The following MAN1C1 variants were observed in gnomAD, a reference collection of about 807,000 sequenced individuals.
MAN1C1 encodes the protein mannosyl-oligosaccharide 1,2-alpha-mannosidase IC.
MAN1C1 carries 49 observed loss-of-function variants against 71.5 expected under a neutral mutation model. That is an observed-to-expected ratio of 0.69 (90% CI 0.54 to 0.87). MAN1C1 has a LOEUF of 0.87. Ranked by LOEUF, MAN1C1 falls within the 40% of genes least tolerant of loss-of-function variation. MAN1C1 has a pLI of 0.00. For missense variants in MAN1C1, 743 were observed against 835.0 expected (o/e 0.89, Z 1.36); for synonymous variants, 352 against 343.7 (o/e 1.02, Z -0.27).
intron 2 of MAN1C1, among the ~76,000 whole-genome samples, chr1:25,696,107 C>T (rs373751540): frequency 2.3e-4 from 35 of 152,326 alleles, no homozygotes; most frequent in Middle Eastern, 6.8e-3. Context: ...GACATTCTCT[C>T]CTGGTGGCAG....
chr1:25,712,570 G>A (rs1572168017), intron 2 of MAN1C1, among the ~76,000 whole-genome samples: 1 of 152,174 alleles, frequency 6.6e-6, no homozygotes, highest in African/African-American at 2.4e-5. Context: ...ATGTTTAGAG[G>A]TCTTTGTGAA....
chr1:25,738,907 A>C (rs1272296985), intron 2 of MAN1C1, among the ~76,000 whole-genome samples: 1 of 152,164 alleles, frequency 6.6e-6, no homozygotes, highest in Non-Finnish European at 1.5e-5. Flanking sequence ...CACACCTGTA[A>C]TCCCAGTGCT....
At chr1:25,677,337 A>G (rs1452684679) in intron 1 of MAN1C1, among the ~76,000 whole-genome samples, 1 of 152,024 alleles carries the variant, frequency 6.6e-6, no homozygotes, top group East Asian at 1.9e-4. Flanking sequence ...TGCTCTTTGA[A>G]TCTATAAATC....
chr1:25,654,194 A>G (rs922197461), intron 1 of MAN1C1: 3 of 152,230 alleles, frequency 2.0e-5, no homozygotes, highest in Non-Finnish European at 2.9e-5. Context: ...CTGTGTAATT[A>G]TGGACAAATT....
chr1:25,621,662 C>T (rs1047910249), intron 1 of MAN1C1, among the ~76,000 whole-genome samples: 1 of 151,466 alleles, frequency 6.6e-6, no homozygotes, highest in Admixed American at 6.6e-5. Flanking sequence ...CTTGCTCTGT[C>T]GTCGAGGCTG....
At chr1:25,701,521 C>T (rs1338352771) in intron 2 of MAN1C1, among the ~76,000 whole-genome samples, 1 of 152,230 alleles carries the variant, frequency 6.6e-6, no homozygotes, top group Non-Finnish European at 1.5e-5. Flanking sequence ...GCCTCCAACG[C>T]CCACATTCCC....
At chr1:25,691,027 A>G (rs1031588627) in intron 2 of MAN1C1, among the ~76,000 whole-genome samples, 1 of 152,094 alleles carries the variant, frequency 6.6e-6, no homozygotes, top group Non-Finnish European at 1.5e-5. Flanking sequence ...GCTAAAGAAC[A>G]TGGACTCAGC....
chr1:25,657,298 C>T (rs536703733), intron 1 of MAN1C1, among the ~76,000 whole-genome samples: 22 of 152,332 alleles, frequency 1.4e-4, no homozygotes, highest in African/African-American at 4.8e-4. Context: ...CCCTTCCCCA[C>T]GCCTTTCTCA....
intron 1 of MAN1C1, among the ~76,000 whole-genome samples, chr1:25,637,151 C>T (rs2045474080): frequency 1.3e-5 from 2 of 150,916 alleles, no homozygotes; most frequent in South Asian, 4.2e-4. Context: ...CAAACTCTGT[C>T]TCAAAAAAAA....
At chr1:25,714,942 A>C (rs1391704418) in intron 2 of MAN1C1, among the ~76,000 whole-genome samples, 2 of 152,200 alleles carry the variant, frequency 1.3e-5, no homozygotes, top group East Asian at 3.9e-4. Flanking sequence ...AAAAAAACTC[A>C]AGCCCATTTA....
At chr1:25,706,204 C>T (rs2046519674) in intron 2 of MAN1C1, among the ~76,000 whole-genome samples, 1 of 152,168 alleles carries the variant, frequency 6.6e-6, no homozygotes, top group African/African-American at 2.4e-5. Flanking sequence ...CAGCTCTTTA[C>T]CCTGTGGTCT....
intron 1 of MAN1C1, among the ~76,000 whole-genome samples, chr1:25,684,754 A>G (rs945670959): frequency 6.6e-6 from 1 of 152,234 alleles, no homozygotes; most frequent in African/African-American, 2.4e-5. Flanking sequence ...TATCCTAGAA[A>G]GTGGGCCGCT....
intron 8 of MAN1C1, among the ~76,000 whole-genome samples, chr1:25,772,859 C>G (rs1022006402): frequency 5.3e-5 from 8 of 152,206 alleles, no homozygotes; most frequent in Admixed American, 2.0e-4. Context: ...TCTTCCTGCT[C>G]TTCCTCAGAC....
In MAN1C1 at chr1:25,753,524, T is replaced by C; in HGVS notation, c.875T>C (p.Leu292Pro). Residue 292 changes from leucine to proline, a missense_variant, in exon 5 of 12, where the codon CTG (leucine) becomes CCG (proline). Physicochemically the swap from Leu to Pro is moderately conservative, Grantham distance 98. Coordinates refer to ENST00000374332, the MANE Select transcript of MAN1C1 (RefSeq NM_020379.4). The surrounding 1 kb of genome is among the most constrained non-coding windows in gnomAD (Gnocchi z 4.9). Reference sequence around the variant, plus strand: ...GCCATCAGGCTGGGAGAGAAGCTCCTGCCGGCGTTCAACACCCCCACGGGA... The same window carrying C: ...GCCATCAGGCTGGGAGAGAAGCTCCCGCCGGCGTTCAACACCCCCACGGGA... ...IKAIRLGEKL[L>P]PAFNTPTGIP... 1 of 1,613,960 alleles carries C rather than the reference T, an allele frequency of 6.2e-7. No individual in the cohort carries two copies. The highest frequency in any genetic ancestry group is 8.5e-7 in the Non-Finnish European group (1 of 1,179,940).
At chr1:25,663,045 C>T (rs2045872706) in intron 1 of MAN1C1, among the ~76,000 whole-genome samples, 1 of 150,920 alleles carries the variant, frequency 6.6e-6, no homozygotes, top group Non-Finnish European at 1.5e-5. Context: ...GAGCCGAGAT[C>T]ATGCCACTGC....
intron 1 of MAN1C1, among the ~76,000 whole-genome samples, chr1:25,628,137 A>G (rs1010141706): frequency 1.3e-5 from 2 of 152,154 alleles, no homozygotes; most frequent in African/African-American, 2.4e-5. Flanking sequence ...TGAATGTGGT[A>G]TCTGTCTCTA....
chr1:25,643,789 A>G (rs142798653), intron 1 of MAN1C1, among the ~76,000 whole-genome samples: 112 of 151,898 alleles, frequency 7.4e-4, no homozygotes, highest in Middle Eastern at 6.8e-3. Context: ...TTACAGGCAT[A>G]AGCCACCGTG....
chr1:25,696,515 T>C (rs1216796143), intron 2 of MAN1C1, among the ~76,000 whole-genome samples: 1 of 152,236 alleles, frequency 6.6e-6, no homozygotes, highest in African/African-American at 2.4e-5. Flanking sequence ...GGATTTTACA[T>C]ATAGTTACCT....
intron 1 of MAN1C1, among the ~76,000 whole-genome samples, chr1:25,649,515 G>A (rs1557748517): frequency 6.6e-6 from 1 of 152,146 alleles, no homozygotes; most frequent in Non-Finnish European, 1.5e-5. Flanking sequence ...CCTTTCTGTG[G>A]GCAATGAGGT....
Sources: allele counts gnomAD v4.1 joint callset (sites outside exome capture counted in the v4.1 genomes callset), GRCh38; gene constraint gnomAD v4.1.1; non-coding constraint Gnocchi (gnomAD v3.1); transcripts MANE v1.5; gene names NCBI Gene and HGNC (gene_info 2026-07-23, HGNC 2026-07-21).